The following SLC9A8 variants were observed in gnomAD, a reference collection of about 807,000 sequenced individuals.
SLC9A8 encodes sodium/hydrogen exchanger 8.
A neutral mutation model predicts 66.6 loss-of-function variants in SLC9A8; 48 were observed. The observed-to-expected ratio is 0.72, with a 90% CI of 0.57 to 0.92. SLC9A8 has a LOEUF of 0.92. Among genes scored for constraint, SLC9A8 ranks in the 40% least tolerant of loss-of-function variants. The probability of loss-of-function intolerance (pLI) is 0.00; values close to 1 mark genes in which losing one functional copy is unlikely to be tolerated. For synonymous variants in SLC9A8, 274 were observed against 282.6 expected (o/e 0.97, Z 0.31); for missense variants, 599 against 747.3 (o/e 0.80, Z 2.31).
chr20:49,877,715 G>A (rs2089476149), intron 11 of SLC9A8, among the ~76,000 whole-genome samples: 1 of 152,182 alleles, frequency 6.6e-6, no homozygotes. Flanking sequence ...CCCTGGGTGG[G>A]ATCGTGTTTA....
At chr20:49,847,826 C>G (rs2088062585) in intron 5 of SLC9A8, among the ~76,000 whole-genome samples, 1 of 150,974 alleles carries the variant, frequency 6.6e-6, no homozygotes. Flanking sequence ...GGTAAATGTT[C>G]AGGATCCAGA....
At position 49,817,178 on chromosome 20, in the gene SLC9A8, G is replaced by T. The variant is rs186814452; in HGVS notation, c.208+1989G>T. Among the ~76,000 whole-genome samples the T allele has an allele frequency of 3.9e-3, 593 of 151,880 alleles. 6 individuals are homozygous for T. Among genetic ancestry groups the T allele is most frequent in the African/African-American group, 0.014 (570 of 41,472 alleles). ...AAAATACAAAAAATTTTAGCCAGAC[G>T]TGGTGGCGGGCACCTGTAATCTCAG... On this transcript the variant is annotated intron_variant, in intron 2 of 15. Transcript: ENST00000361573.
chr20:49,853,183 A>G (rs957695026), intron 7 of SLC9A8, among the ~76,000 whole-genome samples: 1 of 152,216 alleles, frequency 6.6e-6, no homozygotes, highest in Non-Finnish European at 1.5e-5. Context: ...CCTGCGCTTC[A>G]CTGAGGCTGG....
At chr20:49,882,988 T>G (rs181674034) in intron 13 of SLC9A8, among the ~76,000 whole-genome samples, 1 of 151,226 alleles carries the variant, frequency 6.6e-6, no homozygotes, top group African/African-American at 2.4e-5. Flanking sequence ...CCTGGTGCTG[T>G]CTGCACCATG....
intron 2 of SLC9A8, among the ~76,000 whole-genome samples, chr20:49,822,081 G>A (rs1467136851): frequency 6.6e-6 from 1 of 152,192 alleles, no homozygotes; most frequent in African/African-American, 2.4e-5. Context: ...TCCGAGGGAA[G>A]TTGGAGGATT....
intron 1 of SLC9A8, 87 bp downstream of exon 1, chr20:49,813,035 C>T (rs2086411169): frequency 2.7e-6 from 3 of 1,120,912 alleles, no homozygotes; most frequent in African/African-American, 3.3e-5. Flanking sequence ...CCTCCGGCCC[C>T]GGAAGGCGGA....
chr20:49,889,123 A>T lies in SLC9A8; in HGVS notation c.*1187A>T, dbSNP rs1415239890. ...AGCCATCTCAGGGTGAGGAGCTGCC[A>T]GTCATGTCCAGATGGAATGACTCCC... On this transcript the variant is annotated 3_prime_UTR_variant, in exon 16 of 16. Transcript: ENST00000361573. 6.6e-6 allele frequency: 1 copy of T among 152,346 alleles called. No homozygotes were observed. The highest frequency in any genetic ancestry group is 1.9e-4 in the East Asian group (1 of 5,196). 9.4% of individuals were successfully genotyped at this position (152,346 alleles called of 1,614,324 possible).
chr20:49,834,420 G>A (rs866615627), intron 3 of SLC9A8, among the ~76,000 whole-genome samples: 1 of 30,498 alleles, frequency 3.3e-5, no homozygotes, highest in Non-Finnish European at 7.1e-5. Flanking sequence ...TATATATACT[G>A]TATATATATA....
At chr20:49,864,135 T>C (rs1312366890) in intron 9 of SLC9A8, among the ~76,000 whole-genome samples, 4 of 152,292 alleles carry the variant, frequency 2.6e-5, no homozygotes, top group South Asian at 2.1e-4. Context: ...AGCTCCAGTA[T>C]AGGCATTGTG....
chr20:49,884,956 T>G (rs921517864), intron 14 of SLC9A8, among the ~76,000 whole-genome samples: 4 of 152,260 alleles, frequency 2.6e-5, no homozygotes, highest in South Asian at 2.1e-4. Flanking sequence ...TCCCGTATTC[T>G]AGGCCTCAGT....
chr20:49,875,677 G>A (rs1318979937), intron 11 of SLC9A8, among the ~76,000 whole-genome samples: 1 of 151,932 alleles, frequency 6.6e-6, no homozygotes, highest in African/African-American at 2.4e-5. Context: ...CTTTAAGCTG[G>A]CCCCCAAGTG....
At chr20:49,832,435 G>A (rs975169099) in intron 3 of SLC9A8, among the ~76,000 whole-genome samples, 7 of 152,178 alleles carry the variant, frequency 4.6e-5, no homozygotes, top group African/African-American at 1.7e-4. Flanking sequence ...GGGACCAGAG[G>A]GCGCTTGGGA....
intron 3 of SLC9A8, among the ~76,000 whole-genome samples, chr20:49,837,619 G>A (rs891754177): frequency 6.6e-6 from 1 of 151,752 alleles, no homozygotes; most frequent in African/African-American, 2.4e-5. Context: ...CACCAGGCTG[G>A]AGTGCAGTGG....
At chr20:49,875,773 CG>C (rs1323789192) in intron 11 of SLC9A8, among the ~76,000 whole-genome samples, 1 of 151,560 alleles carries the variant, frequency 6.6e-6, no homozygotes, top group African/African-American at 2.4e-5. Flanking sequence ...CTTGCTGTGT[CG>C]CCCAGGCTGG....
At chr20:49,822,974 C>G (rs929041627) in intron 2 of SLC9A8, 87 bp from the exon 3 acceptor site, 15 of 1,107,194 alleles carry the variant, frequency 1.4e-5, no homozygotes, top group African/African-American at 1.1e-4. Context: ...AGGACCCCCC[C>G]AGAAATAACC....
Position 49,812,878 on chromosome 20 carries a change from C to T in SLC9A8, c.-45C>T, listed in dbSNP as rs770835722. 39 of 1,496,584 alleles carry T rather than the reference C, an allele frequency of 2.6e-5. No individual in the cohort carries two copies. The highest frequency in any genetic ancestry group is 3.3e-5 in the Non-Finnish European group (37 of 1,125,336). The allele number at this position is 1,496,584 out of a possible 1,614,324, so 92.7% of individuals were successfully genotyped here. Reference sequence around the variant, plus strand: ...AAGCCGGAAGCAAAAGCGGGTCCTGCTAGCCCCGCGGCTCCGAACTCGGTG... The same window carrying T: ...AAGCCGGAAGCAAAAGCGGGTCCTGTTAGCCCCGCGGCTCCGAACTCGGTG... On this transcript the variant is annotated 5_prime_UTR_variant, in exon 1 of 16. Coordinates refer to ENST00000361573, the MANE Select transcript of SLC9A8 (RefSeq NM_015266.3).
chr20:49,853,622 ACCTTCCCTTTCTT>A (rs1423633566), intron 7 of SLC9A8, among the ~76,000 whole-genome samples: 21 of 152,138 alleles, frequency 1.4e-4, no homozygotes, highest in African/African-American at 2.9e-4. Context: ...TAGTGGAGTT[ACCTTCCCTTTCTT>A]CCTTCCCTTT....
At position 49,887,987 on chromosome 20, in the gene SLC9A8, C is replaced by G. The variant is rs368641195; in HGVS notation, c.*51C>G. 7.2e-7 allele frequency: 1 copy of G among 1,395,414 alleles called. No individual in the cohort carries two copies. The highest frequency in any genetic ancestry group is 1.0e-6 in the Non-Finnish European group (1 of 983,036). 86.4% of individuals were successfully genotyped at this position (1,395,414 alleles called of 1,614,324 possible). On this transcript the variant is annotated 3_prime_UTR_variant, in exon 16 of 16. Coordinates refer to ENST00000361573, the MANE Select transcript of SLC9A8 (RefSeq NM_015266.3). ...GCAGGCCCAGGATGGGCGTTTGCTG[C>G]GCACAGACACTCAGCAGGGGCCTCG... is the stretch of plus-strand genomic sequence containing the variant.
intron 3 of SLC9A8, among the ~76,000 whole-genome samples, chr20:49,831,784 C>T (rs541721630): frequency 6.6e-6 from 1 of 152,348 alleles, no homozygotes; most frequent in Non-Finnish European, 1.5e-5. Flanking sequence ...CCTTTGTGAA[C>T]TGAAAAGAGA....
Sources: gnomAD v4.1 joint callset for allele counts (sites outside exome capture counted in the v4.1 genomes callset) on GRCh38, gnomAD v4.1.1 for gene constraint, MANE v1.5 for transcripts, NCBI Gene and HGNC (gene_info 2026-07-23, HGNC 2026-07-21) for gene names.